VPS13A: variants seen among roughly 807,000 people sequenced by gnomAD.
VPS13A encodes the protein intermembrane lipid transfer protein VPS13A.
In VPS13A, 264 loss-of-function variants were observed where a neutral mutation model predicts 390.9. The observed-to-expected ratio is 0.68, with a 90% CI of 0.61 to 0.75. VPS13A has a LOEUF of 0.75. Among genes scored for constraint, VPS13A ranks in the 30% least tolerant of loss-of-function variants. VPS13A has a pLI of 0.00. For missense variants in VPS13A, 3,409 were observed against 3,733.9 expected, an observed-to-expected ratio of 0.91 and a Z score of 2.27; for synonymous variants, 1,231 against 1,227.1, an observed-to-expected ratio of 1.00 and a Z score of -0.07.
At chr9:77,388,300 C>T (rs537801172) in intron 68 of VPS13A, among the ~76,000 whole-genome samples, 133 of 152,142 alleles carry the variant, frequency 8.7e-4, no homozygotes, top group African/African-American at 3.1e-3. Context: ...GTACAGCCAG[C>T]ATTATACAAA....
intron 59 of VPS13A, among the ~76,000 whole-genome samples, 187 bp downstream of exon 59, chr9:77,360,828 G>A (rs1463748295): frequency 6.6e-6 from 1 of 152,002 alleles, no homozygotes; most frequent in Non-Finnish European, 1.5e-5. Context: ...GCAAACAGGA[G>A]GAAAGGCTTG....
chr9:77,241,770 T>C (rs748588646), intron 19 of VPS13A, among the ~76,000 whole-genome samples: 63 of 152,174 alleles, frequency 4.1e-4, no homozygotes, highest in Admixed American at 3.3e-3. Flanking sequence ...TTGCTTAAGA[T>C]GTTCTGGACT....
rs376443060 is a variant in VPS13A at position 77,275,486 on chromosome 9, T to C, written c.2513-12T>C. 1 of 1,612,562 alleles carries C rather than the reference T, an allele frequency of 6.2e-7. No homozygotes were observed. The highest frequency in any genetic ancestry group is 8.5e-7 in the Non-Finnish European group (1 of 1,178,758). ...TTAATTATTGACTTAAATAATGTTC[T>C]GTGAAATGTAGATTCAGAGGAGGAA... On this transcript the variant is annotated splice_polypyrimidine_tract_variant and intron_variant, in intron 24 of 71. Transcript: ENST00000360280.
At position 77,405,865 on chromosome 9, in the gene VPS13A, G is replaced by A; in HGVS notation, c.9277G>A (p.Gly3093Ser). 6.2e-7 allele frequency: 1 copy of A among 1,613,342 alleles called. No homozygotes were observed. The highest frequency in any genetic ancestry group is 2.2e-5 in the East Asian group (1 of 44,836). Residue 3093 changes from glycine (G) to serine (S), a missense_variant and splice_region_variant, in exon 70 of 72, where the codon GGT becomes AGT. Around this residue, in one of 5 missense-constraint regions of VPS13A, gnomAD observed 318 missense variants for 333.7 expected, o/e 0.95. Transcript: ENST00000360280. Reference sequence around the variant, plus strand: ...CTTTTTTTGTTTTTCTTTTTGCAGTGGTGTATTGTTTGTAACAAAGGGAAC... The same window carrying A: ...CTTTTTTTGTTTTTCTTTTTGCAGTAGTGTATTGTTTGTAACAAAGGGAAC... Reference protein sequence around the residue: ...KTDMLMITRRGVLFVTKGTFG... With the variant: ...KTDMLMITRRSVLFVTKGTFG...
intron 9 of VPS13A, among the ~76,000 whole-genome samples, chr9:77,213,902 T>G (rs540770505): frequency 6.6e-6 from 1 of 152,322 alleles, no homozygotes; most frequent in East Asian, 1.9e-4. Flanking sequence ...AGCTAAGTTC[T>G]AAGTTTGAAT....
intron 20 of VPS13A, 46 bp downstream of exon 20, chr9:77,247,441 T>G: frequency 6.5e-7 from 1 of 1,533,104 alleles, no homozygotes. Flanking sequence ...TTTGGGGTGT[T>G]TCTTTGTTTT....
chr9:77,278,376 CTTA>C (rs1826820290), intron 26 of VPS13A, among the ~76,000 whole-genome samples: 1 of 151,670 alleles, frequency 6.6e-6, no homozygotes, highest in Non-Finnish European at 1.5e-5. Context: ...CCTGGCCACA[CTTA>C]TTAAGTTTTA....
intron 50 of VPS13A, among the ~76,000 whole-genome samples, chr9:77,341,696 T>C (rs1830828973): frequency 6.7e-5 from 9 of 133,730 alleles, no homozygotes; most frequent in Non-Finnish European, 1.1e-4. Flanking sequence ...CTTTCCTTTT[T>C]TTTTTTTTTT....
chr9:77,258,123 T>C (rs1042859348), intron 22 of VPS13A, among the ~76,000 whole-genome samples: 6 of 152,242 alleles, frequency 3.9e-5, no homozygotes, highest in Non-Finnish European at 1.5e-5. Flanking sequence ...TAAATAGTTT[T>C]AGACTGTAGG....
chr9:77,219,842 T>C lies in VPS13A; in HGVS notation c.755-112T>C, dbSNP rs1823086285. 3 of 1,104,806 alleles carry C rather than the reference T, an allele frequency of 2.7e-6. No individual in the cohort carries two copies. In the African/African-American group the frequency reaches 4.6e-5, roughly 17 times the overall value. 68.4% of individuals were successfully genotyped at this position (1,104,806 alleles called of 1,614,324 possible). A position where few individuals can be genotyped will look rare whatever the true frequency, so the allele number is the denominator to read the frequency against. On this transcript the variant is annotated intron_variant, in intron 10 of 71. Transcript: ENST00000360280. ...CATGGCAGTGTGAACATCTGGGAACTGTAGAAGGGGTATAAAATAAATGGA... is the reference window on the plus strand; with the variant it reads ...CATGGCAGTGTGAACATCTGGGAACCGTAGAAGGGGTATAAAATAAATGGA...
At chr9:77,397,656 T>C (rs1436355477) in intron 68 of VPS13A, among the ~76,000 whole-genome samples, 2 of 152,208 alleles carry the variant, frequency 1.3e-5, no homozygotes, top group Non-Finnish European at 2.9e-5. Flanking sequence ...AGTTCCACTT[T>C]CTTTGTGTTT....
chr9:77,272,413 CAAGCAA>C (rs1826403193), intron 23 of VPS13A, among the ~76,000 whole-genome samples: 1 of 152,158 alleles, frequency 6.6e-6, no homozygotes, highest in African/African-American at 2.4e-5. Flanking sequence ...AGTAGTGCTA[CAAGCAA>C]AAGCAAAAAT....
chr9:77,182,163 G>C (rs1025922460), intron 1 of VPS13A, among the ~76,000 whole-genome samples: 4 of 152,132 alleles, frequency 2.6e-5, no homozygotes, highest in Non-Finnish European at 5.9e-5. Flanking sequence ...ACGCGATCTC[G>C]GCTCACTGCA....
At chr9:77,364,822 G>A (rs963137128) in intron 59 of VPS13A, among the ~76,000 whole-genome samples, 9 of 152,094 alleles carry the variant, frequency 5.9e-5, no homozygotes, top group Non-Finnish European at 8.8e-5. Flanking sequence ...AGTTTAGCTG[G>A]GGTGCTGGTT....
intron 68 of VPS13A, among the ~76,000 whole-genome samples, chr9:77,397,174 G>C (rs536535118): frequency 2.9e-4 from 44 of 152,032 alleles, no homozygotes; most frequent in African/African-American, 9.9e-4. Flanking sequence ...TATTTTTAGT[G>C]GAGACGGGGT....
intron 23 of VPS13A, among the ~76,000 whole-genome samples, chr9:77,265,762 T>C (rs1218145849): frequency 6.6e-6 from 1 of 152,166 alleles, no homozygotes; most frequent in Non-Finnish European, 1.5e-5. Context: ...TTCACTGATA[T>C]TTTTGAAGGG....
chr9:77,260,712 A>T (rs1453251332), intron 23 of VPS13A, among the ~76,000 whole-genome samples: 1 of 151,984 alleles, frequency 6.6e-6, no homozygotes, highest in East Asian at 1.9e-4. Flanking sequence ...TAGTTAAGAA[A>T]GATATAAAAT....
chr9:77,204,846 C>T (rs1471751576), intron 3 of VPS13A, among the ~76,000 whole-genome samples: 2 of 152,222 alleles, frequency 1.3e-5, no homozygotes, highest in East Asian at 1.9e-4. Context: ...CTAGGCTGGT[C>T]TTGAACTCCT....
intron 23 of VPS13A, among the ~76,000 whole-genome samples, chr9:77,272,814 TTTA>T (rs978208310): frequency 6.6e-6 from 1 of 152,200 alleles, no homozygotes; most frequent in African/African-American, 2.4e-5. Context: ...AGATGTGTCT[TTTA>T]TTATTATTTT....
Sources: allele counts gnomAD v4.1 joint callset (sites outside exome capture counted in the v4.1 genomes callset), GRCh38; gene constraint gnomAD v4.1.1; regional missense constraint gnomAD v4.1.1; transcripts MANE v1.5; gene names NCBI Gene and HGNC (gene_info 2026-07-23, HGNC 2026-07-21).